OPCML: variants seen among roughly 807,000 people sequenced by gnomAD.
OPCML encodes the protein opioid-binding protein/cell adhesion molecule.
In OPCML, 13 loss-of-function variants were observed where a neutral mutation model predicts 37.8. That is an observed-to-expected ratio of 0.34 (90% CI 0.22 to 0.55). The LOEUF (loss-of-function observed/expected upper bound fraction) is 0.55, where lower values mean the gene tolerates loss of function less well. OPCML is among the 20% of genes least tolerant of loss of function. OPCML has a pLI of 0.91. For synonymous variants in OPCML, 176 were observed against 168.8 expected, an observed-to-expected ratio of 1.04 and a Z score of -0.33; for missense variants, 341 against 435.6, an observed-to-expected ratio of 0.78 and a Z score of 1.93.
rs573249093 is a variant in OPCML at position 133,082,899 on chromosome 11, G to A, written c.62-139889C>T. 6.0e-3 allele frequency among the ~76,000 whole-genome samples: 896 copies of A among 150,280 alleles called. 4 individuals are homozygous for A. Among genetic ancestry groups the A allele is most frequent in the Non-Finnish European group, 8.5e-3 (576 of 67,462 alleles). On this transcript the variant is annotated intron_variant, in intron 1 of 7. Coordinates refer to ENST00000524381, the MANE Select transcript of OPCML (RefSeq NM_001012393.5). ...CTCGTCCCAGGCAGACGCGCTGCCC[G>A]GAGACCGCCGCAAGGGGGCGCCAGG...
rs1945636686 is a variant in OPCML, at chr11:132,943,024, G to C, written c.62-14C>G. ...GCACGGGCACTCCTGTGGGTACAAG[G>C]AACAGCAGCCTGAGAGACACGACCA... On this transcript the variant is annotated splice_polypyrimidine_tract_variant and intron_variant, in intron 1 of 7. Coordinates refer to ENST00000524381, the MANE Select transcript of OPCML (RefSeq NM_001012393.5). This position sits in a 1 kb window ranked among gnomAD's most constrained non-coding sequence, Gnocchi z 4.3. 6.2e-7 allele frequency: 1 copy of C among 1,614,146 alleles called. No individual in the cohort carries two copies. The highest frequency in any genetic ancestry group is 8.5e-7 in the Non-Finnish European group (1 of 1,180,004).
intron 2 of OPCML, among the ~76,000 whole-genome samples, chr11:132,905,836 T>C (rs1365330213): frequency 1.3e-5 from 2 of 152,186 alleles, no homozygotes; most frequent in African/African-American, 4.8e-5. Context: ...TACCATTGTT[T>C]TGAGAATTAA....
At chr11:132,509,754 T>C (rs2137171758) in intron 4 of OPCML, among the ~76,000 whole-genome samples, 1 of 152,312 alleles carries the variant, frequency 6.6e-6, no homozygotes, top group African/African-American at 2.4e-5. Flanking sequence ...ATGGAAATGC[T>C]TGGATGCCCA....
chr11:133,135,990 C>T (rs1565464930), intron 1 of OPCML, among the ~76,000 whole-genome samples: 2 of 152,134 alleles, frequency 1.3e-5, no homozygotes, highest in Admixed American at 1.3e-4. Context: ...CCAAGAAATA[C>T]CATATTACCC....
chr11:132,895,012 G>A (rs1943782760), intron 2 of OPCML, among the ~76,000 whole-genome samples: 1 of 152,178 alleles, frequency 6.6e-6, no homozygotes. Context: ...TCTTTCTGAA[G>A]AACACTGACT....
intron 1 of OPCML, chr11:133,006,457 G>A (rs937442796): frequency 1.0e-6 from 1 of 985,274 alleles, no homozygotes; most frequent in African/African-American, 1.7e-5. Context: ...GAATAAGTGA[G>A]CTCTTTAAAG....
chr11:132,891,807 C>G (rs956531822), intron 2 of OPCML, among the ~76,000 whole-genome samples: 1 of 152,230 alleles, frequency 6.6e-6, no homozygotes, highest in African/African-American at 2.4e-5. Flanking sequence ...AAATCAGCTG[C>G]ATGAAAGAAA....
At chr11:133,365,968 GGGGCA>G (rs1944531666) in intron 1 of OPCML, 1 of 152,192 alleles carries the variant, frequency 6.6e-6, no homozygotes, top group Non-Finnish European at 1.5e-5. Context: ...TCCTTGGGAT[GGGGCA>G]CCTGCTGCCC....
At chr11:132,495,464 C>T (rs1179564020) in intron 4 of OPCML, among the ~76,000 whole-genome samples, 4 of 152,154 alleles carry the variant, frequency 2.6e-5, no homozygotes, top group South Asian at 2.1e-4. Context: ...ATAATATATG[C>T]CCATCAGTTC....
At chr11:133,415,345 A>G (rs1328960017) in intron 1 of OPCML, among the ~76,000 whole-genome samples, 3 of 151,856 alleles carry the variant, frequency 2.0e-5, no homozygotes, top group Admixed American at 6.6e-5. Flanking sequence ...AGGAGGCAGA[A>G]CTTGCAGTGA....
At chr11:132,913,294 C>T (rs1460232665) in intron 2 of OPCML, among the ~76,000 whole-genome samples, 2 of 152,016 alleles carry the variant, frequency 1.3e-5, no homozygotes, top group African/African-American at 2.4e-5. Flanking sequence ...CTTCTAAGAG[C>T]GGATCCATTA....
At chr11:133,088,981 TAGTA>T (rs1160321677) in intron 1 of OPCML, among the ~76,000 whole-genome samples, 1 of 152,200 alleles carries the variant, frequency 6.6e-6, no homozygotes, top group Non-Finnish European at 1.5e-5. Flanking sequence ...GGATGGCTAA[TAGTA>T]AGTAATGTAG....
At chr11:132,752,538 C>T (rs542473568) in intron 2 of OPCML, among the ~76,000 whole-genome samples, 3 of 152,088 alleles carry the variant, frequency 2.0e-5, no homozygotes, top group Admixed American at 6.6e-5. Flanking sequence ...TAAGGAAAAT[C>T]CCCCACTAAA....
chr11:132,701,807 G>GC (rs1943834356), intron 2 of OPCML, among the ~76,000 whole-genome samples: 2 of 148,730 alleles, frequency 1.3e-5, no homozygotes, highest in South Asian at 4.3e-4. Context: ...GTGGTGGTGG[G>GC]CGTGTGCTTT....
intron 2 of OPCML, among the ~76,000 whole-genome samples, chr11:132,883,555 T>A (rs1015963204): frequency 6.6e-6 from 1 of 152,152 alleles, no homozygotes; most frequent in Non-Finnish European, 1.5e-5. Context: ...GAAGACTGTC[T>A]TATGAAACAT....
intron 4 of OPCML, among the ~76,000 whole-genome samples, chr11:132,449,173 C>G (rs150751912): frequency 2.0e-5 from 3 of 152,276 alleles, no homozygotes; most frequent in Admixed American, 6.5e-5. Flanking sequence ...CAAGGTAGCT[C>G]TCATCTGTCA....
At chr11:133,194,198 TC>T (rs1938440875) in intron 1 of OPCML, among the ~76,000 whole-genome samples, 1 of 135,812 alleles carries the variant, frequency 7.4e-6, no homozygotes, top group South Asian at 2.3e-4. Context: ...CCTTTCCCCT[TC>T]CCCCACTTTT....
At chr11:133,143,779 T>C (rs1226957683) in intron 1 of OPCML, among the ~76,000 whole-genome samples, 1 of 152,248 alleles carries the variant, frequency 6.6e-6, no homozygotes, top group Non-Finnish European at 1.5e-5. Flanking sequence ...AGAAAGTGCC[T>C]ACTTATCTTT....
At chr11:132,767,861 T>C (rs1946506346) in intron 2 of OPCML, among the ~76,000 whole-genome samples, 3 of 151,530 alleles carry the variant, frequency 2.0e-5, no homozygotes, top group Non-Finnish European at 1.5e-5. Context: ...AAAAACCTAG[T>C]AGGGATGGGG....
Sources: allele counts gnomAD v4.1 joint callset (sites outside exome capture counted in the v4.1 genomes callset), GRCh38; gene constraint gnomAD v4.1.1; non-coding constraint Gnocchi (gnomAD v3.1); transcripts MANE v1.5; gene names NCBI Gene and HGNC (gene_info 2026-07-23, HGNC 2026-07-21).